Variants in FAM81A observed in about 807,000 individuals in gnomAD.
The protein encoded by FAM81A is protein FAM81A.
FAM81A carries 19 observed loss-of-function variants against 46.7 expected under a neutral mutation model. The observed-to-expected ratio is 0.41, with a 90% CI of 0.28 to 0.60. The LOEUF (loss-of-function observed/expected upper bound fraction) is 0.60. Among genes scored for constraint, FAM81A ranks in the 20% least tolerant of loss-of-function variants. The pLI, the probability that FAM81A is intolerant of heterozygous loss-of-function variation, is 0.34. For missense variants in FAM81A, 377 were observed against 453.5 expected (o/e 0.83, Z 1.53); for synonymous variants, 183 against 152.9 (o/e 1.20, Z -1.45).
At chr15:59,457,838 A>G (rs8028913) in intron 1 of FAM81A, among the ~76,000 whole-genome samples, 119,262 of 152,180 alleles carry the variant, frequency 0.78, 46,999 homozygotes, top group African/African-American at 0.86. Flanking sequence ...GGCATTCATT[A>G]TTTTAAGGCA....
Position 59,477,980 on chromosome 15 carries a change from C to G in FAM81A, c.295-14291C>G, listed in dbSNP as rs571479178. On this transcript the variant is annotated intron_variant, in intron 3 of 8. Transcript: ENST00000288228. Reference sequence around the variant, plus strand: ...AATTTAGAGGAAGTAATATAGTCAACTATGAATTATACATGTCTGGGTTAT... The same window carrying G: ...AATTTAGAGGAAGTAATATAGTCAAGTATGAATTATACATGTCTGGGTTAT... Among the ~76,000 whole-genome samples, 29 of 152,298 alleles carry G rather than the reference C, an allele frequency of 1.9e-4. No homozygotes were observed. In the South Asian group the frequency reaches 6.0e-3, roughly 32 times the overall value.
chr15:59,460,275 C>G lies in FAM81A; in HGVS notation c.294+69C>G. On this transcript the variant is annotated intron_variant, in intron 3 of 8. Coordinates refer to ENST00000288228, the MANE Select transcript of FAM81A (RefSeq NM_152450.3). The surrounding 1 kb of genome is among the most constrained non-coding windows in gnomAD (Gnocchi z 4.4). ...AATTGCTCCATGTCAGGAGGTCACC[C>G]ACATCTAACTCCTACCTCCCAGGCA... is the stretch of plus-strand genomic sequence containing the variant. 6.3e-7 allele frequency: 1 copy of G among 1,594,718 alleles called. No individual in the cohort carries two copies. The highest frequency in any genetic ancestry group is 8.6e-7 in the Non-Finnish European group (1 of 1,163,532).
chr15:59,474,883 C>G (rs2081745918), intron 3 of FAM81A, among the ~76,000 whole-genome samples: 4 of 152,156 alleles, frequency 2.6e-5, no homozygotes, highest in Admixed American at 2.6e-4. Flanking sequence ...CTTAGAAGCT[C>G]TTCTAGAACC....
intron 1 of FAM81A, among the ~76,000 whole-genome samples, chr15:59,441,885 G>T (rs1429458901): frequency 6.6e-6 from 1 of 152,136 alleles, no homozygotes; most frequent in Non-Finnish European, 1.5e-5. Flanking sequence ...TCACCTCTGA[G>T]CCCGCAGTAG....
upstream of FAM81A, among the ~76,000 whole-genome samples, chr15:59,437,509 G>C (rs542523169): frequency 1.3e-5 from 2 of 152,226 alleles, no homozygotes; most frequent in East Asian, 3.9e-4. Flanking sequence ...GGAGAAGAAA[G>C]GGCTGGGAAG....
chr15:59,495,933 A>G (rs2082028632), intron 4 of FAM81A, among the ~76,000 whole-genome samples: 1 of 152,156 alleles, frequency 6.6e-6, no homozygotes, highest in Admixed American at 6.5e-5. Context: ...CCCTTATCAG[A>G]TATCTGATTT....
At chr15:59,511,931 A>G (rs774443968) in intron 6 of FAM81A, among the ~76,000 whole-genome samples, 11 of 152,104 alleles carry the variant, frequency 7.2e-5, no homozygotes, top group Non-Finnish European at 1.3e-4. Context: ...TTACAGGCGT[A>G]AGCCACTGCA....
Position 59,505,819 on chromosome 15 carries a change from ATGT to A in FAM81A, c.414-1390_414-1388del, listed in dbSNP as rs369363736. ...CAAAGAGCATTTACAAGGAGCAAAA[ATGT>A]TGTGTCACTTAAGAATGATCCATTT... On this transcript the variant is annotated intron_variant, in intron 4 of 8. Transcript: ENST00000288228. Among the ~76,000 whole-genome samples the A allele has an allele frequency of 9.7e-3, 1,470 of 152,300 alleles. 36 individuals are homozygous for A. The highest frequency in any genetic ancestry group is 0.035 in the African/African-American group (1,434 of 41,564).
intron 1 of FAM81A, chr15:59,444,279 A>G (rs2081331750): frequency 6.6e-6 from 1 of 152,210 alleles, no homozygotes; most frequent in Non-Finnish European, 1.5e-5. Flanking sequence ...GCGATGGTGG[A>G]TGTGAGACCC....
At chr15:59,481,924 T>A (rs2081857296) in intron 3 of FAM81A, among the ~76,000 whole-genome samples, 1 of 151,960 alleles carries the variant, frequency 6.6e-6, no homozygotes, top group Non-Finnish European at 1.5e-5. Flanking sequence ...AAATATTTGC[T>A]TCTTTAATAA....
intron 8 of FAM81A, among the ~76,000 whole-genome samples, chr15:59,519,870 A>G (rs1384313255): frequency 6.6e-6 from 1 of 152,178 alleles, no homozygotes; most frequent in Non-Finnish European, 1.5e-5. Flanking sequence ...TGCAGTGAAC[A>G]GGGGAGTGCA....
chr15:59,491,010 C>A (rs1360990368), intron 3 of FAM81A, among the ~76,000 whole-genome samples: 2 of 152,108 alleles, frequency 1.3e-5, no homozygotes, highest in Admixed American at 6.6e-5. Flanking sequence ...TTTGGAGGTA[C>A]CTCACAAAAC....
chr15:59,405,046 T>C (rs1176465534), intron 2 of FAM81A, among the ~76,000 whole-genome samples: 1 of 152,226 alleles, frequency 6.6e-6, no homozygotes, highest in Non-Finnish European at 1.5e-5. Context: ...AAGAGTGCTC[T>C]TTCTTCCAAG....
chr15:59,493,831 G>A (rs527830167), intron 4 of FAM81A, among the ~76,000 whole-genome samples: 81 of 152,130 alleles, frequency 5.3e-4, no homozygotes, highest in African/African-American at 1.9e-3. Context: ...CAGGTGATCC[G>A]CCCACCTCGG....
chr15:59,437,475 C>T (rs2081251350), upstream of FAM81A, among the ~76,000 whole-genome samples: 1 of 151,808 alleles, frequency 6.6e-6, no homozygotes, highest in South Asian at 2.1e-4. Flanking sequence ...AGCCAGGACG[C>T]GCTGGGAGGG....
chr15:59,488,430 C>G (rs2081944804), intron 3 of FAM81A, among the ~76,000 whole-genome samples: 1 of 151,810 alleles, frequency 6.6e-6, no homozygotes, highest in African/African-American at 2.4e-5. Context: ...AGCAATCAGA[C>G]AAAAGAAAGA....
At chr15:59,404,842 T>C (rs1247086227) in intron 2 of FAM81A, among the ~76,000 whole-genome samples, 1 of 152,234 alleles carries the variant, frequency 6.6e-6, no homozygotes, top group Non-Finnish European at 1.5e-5. Context: ...TTTCAACACA[T>C]CTGAAATGAA....
chr15:59,485,949 C>T (rs914764482), intron 3 of FAM81A, among the ~76,000 whole-genome samples: 3 of 152,104 alleles, frequency 2.0e-5, no homozygotes, highest in Non-Finnish European at 4.4e-5. Context: ...GAGGCCAAGG[C>T]GGGTGGATCA....
chr15:59,416,474 C>T (rs1049341408), intron 2 of FAM81A, among the ~76,000 whole-genome samples: 3 of 152,166 alleles, frequency 2.0e-5, no homozygotes, highest in Non-Finnish European at 4.4e-5. Flanking sequence ...CTGGAGAAAG[C>T]CCTCTGGCAG....
Sources: gnomAD v4.1 joint callset for allele counts (sites outside exome capture counted in the v4.1 genomes callset) on GRCh38, gnomAD v4.1.1 for gene constraint, Gnocchi (gnomAD v3.1) non-coding constraint, MANE v1.5 for transcripts, NCBI Gene and HGNC (gene_info 2026-07-23, HGNC 2026-07-21) for gene names.